The following TEP1 variants were observed in gnomAD, a reference collection of about 807,000 sequenced individuals.
TEP1 encodes telomerase associated protein 1.
TEP1 carries 241 observed loss-of-function variants against 306.3 expected under a neutral mutation model. The observed-to-expected ratio is 0.79, with a 90% CI of 0.71 to 0.88. TEP1 has a LOEUF of 0.88. Among genes scored for constraint, TEP1 ranks in the 40% least tolerant of loss-of-function variants. TEP1 has a pLI of 0.00. For synonymous variants in TEP1, 1,289 were observed against 1,305.5 expected, an observed-to-expected ratio of 0.99 and a Z score of 0.27; for missense variants, 3,051 against 3,276.1, an observed-to-expected ratio of 0.93 and a Z score of 1.68.
chr14:20,400,888 T>C lies in TEP1; in HGVS notation c.1549+96A>G, dbSNP rs967237918. On this transcript the variant is annotated intron_variant, in intron 9 of 54. Coordinates refer to ENST00000262715, the MANE Select transcript of TEP1 (RefSeq NM_007110.5). ...TACAACAACCAGGCAAAGTAATAAC[T>C]TCATCATTCCACAGAAATCTTCTAG... 6.8e-6 allele frequency: 10 copies of C among 1,478,428 alleles called. No homozygotes were observed. In the African/African-American group the frequency reaches 1.4e-4, roughly 21 times the overall value. The allele number at this position is 1,478,428 out of a possible 1,614,324, so 91.6% of individuals were successfully genotyped here. A position where few individuals can be genotyped will look rare whatever the true frequency, so the allele number is the denominator to read the frequency against.
chr14:20,406,019 A>C (rs1323713463), intron 3 of TEP1, among the ~76,000 whole-genome samples: 1 of 151,912 alleles, frequency 6.6e-6, no homozygotes, highest in Admixed American at 6.6e-5. Context: ...CTCAAAAAAA[A>C]AAAAAAAGAA....
rs750153172 is a variant in TEP1 at position 20,403,710 on chromosome 14, G to A, written c.1194+13C>T. 6 of 1,613,082 alleles carry A rather than the reference G, an allele frequency of 3.7e-6. No homozygotes were observed. The East Asian group carries it at 1.3e-4, about 36-fold the overall frequency. ...AAAAGGGGCGTGGGTCGAGGGCTGG[G>A]GCAGTGACTGACTGGAGAGCGGGGT... is the stretch of plus-strand genomic sequence containing the variant. On this transcript the variant is annotated intron_variant, in intron 6 of 54. Transcript: ENST00000262715.
Position 20,396,736 on chromosome 14 carries a change from G to A in TEP1, c.1550-6C>T. 1 of 1,597,792 alleles carries A rather than the reference G, an allele frequency of 6.3e-7. No homozygotes were observed. The highest frequency in any genetic ancestry group is 8.6e-7 in the Non-Finnish European group (1 of 1,169,148). On this transcript the variant is annotated splice_region_variant and splice_polypyrimidine_tract_variant and intron_variant, in intron 9 of 54. Transcript: ENST00000262715. The stretch of plus-strand genomic sequence containing the variant: ...GAAGGGAAGCTTCCCATTTTCTGTG[G>A]AATGTGGGGCATAGAGTGAGAAAAA...
At chr14:20,377,192 G>A (rs1039893079) in intron 41 of TEP1, 88 bp downstream of exon 41, 2 of 1,132,008 alleles carry the variant, frequency 1.8e-6, no homozygotes, top group Non-Finnish European at 2.5e-6. Flanking sequence ...TCTAGCCTGG[G>A]CAACAAGAGT....
intron 37 of TEP1, 52 bp downstream of exon 37, chr14:20,378,702 G>A (rs1240288737): frequency 9.4e-6 from 15 of 1,596,602 alleles, no homozygotes; most frequent in Non-Finnish European, 1.3e-5. Flanking sequence ...AAATTCACGA[G>A]GGTGAGTCAT....
chr14:20,411,457 G>C (rs1274760074), intron 1 of TEP1, among the ~76,000 whole-genome samples: 1 of 152,022 alleles, frequency 6.6e-6, no homozygotes, highest in East Asian at 1.9e-4. Context: ...CCTCCAAAAA[G>C]CCTGTGCTGA....
At chr14:20,406,165 T>C in intron 3 of TEP1, 68 bp downstream of exon 3, 9 of 1,557,418 alleles carry the variant, frequency 5.8e-6, no homozygotes, top group Non-Finnish European at 7.9e-6. Context: ...GGGACCTGGT[T>C]CAAGTACTCC....
intron 29 of TEP1, 28 bp from the exon 30 acceptor site, chr14:20,382,091 C>A: frequency 6.2e-7 from 1 of 1,613,356 alleles, no homozygotes; most frequent in Non-Finnish European, 8.5e-7. Flanking sequence ...CTGAGGCCCT[C>A]ATCTAACCAT....
rs1879371342 is a variant in TEP1 at position 20,408,293 on chromosome 14, G to C, written c.147C>G (p.Asn49Lys). The C allele has an allele frequency of 1.9e-6, 3 of 1,613,916 alleles. No individual in the cohort carries two copies. The highest frequency in any genetic ancestry group is 2.5e-6 in the Non-Finnish European group (3 of 1,179,976). ...GGTCAGGAAGCGTGGCTAGGCACTG[G>C]TTCTTCAAGGAGAGGATATCTGAGT... Reference protein sequence around the residue: ...STHSDILSLKNQCLATLPDLK... With the variant: ...STHSDILSLKKQCLATLPDLK... The change falls in exon 2 of 55, where the codon AAC becomes AAG. Residue 49 changes from asparagine (N) to lysine (K), a missense_variant. Around this residue, in one of 3 missense-constraint regions of TEP1, gnomAD observed 1,507 missense variants for 1,550.5 expected, o/e 0.97. Coordinates refer to ENST00000262715, the MANE Select transcript of TEP1 (RefSeq NM_007110.5).
At chr14:20,385,896 A>G (rs1392428034) in intron 20 of TEP1, among the ~76,000 whole-genome samples, 179 bp downstream of exon 20, 3 of 152,190 alleles carry the variant, frequency 2.0e-5, no homozygotes, top group African/African-American at 7.2e-5. Context: ...GGCACTTCTC[A>G]AAGGACTTTT....
intron 43 of TEP1, 71 bp from the exon 44 acceptor site, chr14:20,374,607 G>A: frequency 8.6e-7 from 1 of 1,165,506 alleles, no homozygotes; most frequent in South Asian, 1.4e-5. Context: ...CTGTAGTGTA[G>A]GGTGGAAGGC....
In TEP1 at chr14:20,377,792, C is replaced by T. The variant is rs778644662; in HGVS notation, c.5722-39G>A. On this transcript the variant is annotated intron_variant, in intron 39 of 54. Transcript: ENST00000262715. The stretch of plus-strand genomic sequence containing the variant: ...AAAGGGCTTAAGGATACCACCTCCA[C>T]CACGCGGTCCTCCTTCCTGTTTTGA... The T allele has an allele frequency of 1.6e-5, 25 of 1,607,016 alleles. No homozygotes were observed. The South Asian group carries it at 2.8e-4, about 18-fold the overall frequency.
rs201304686 is a variant in TEP1, at chr14:20,403,761, G to T, written c.1156C>A (p.Arg386=). ...QLAKYNPRKH[R]AKRHPRRPPR... ...GGCCGGCGGGGGTGTCTCTTGGCCC[G>T]GTGCTTCCGAGGGTTGTACTTAGCC... Residue 386 remains arginine (R), a synonymous_variant, in exon 6 of 55, where the codon CGG becomes AGG. Transcript: ENST00000262715. The T allele has an allele frequency of 6.2e-7, 1 of 1,614,100 alleles. No homozygotes were observed. The highest frequency in any genetic ancestry group is 1.3e-5 in the African/African-American group (1 of 75,032).
intron 18 of TEP1, 130 bp from the exon 19 acceptor site, chr14:20,386,753 G>A: frequency 9.5e-7 from 1 of 1,055,252 alleles, no homozygotes; most frequent in Non-Finnish European, 1.3e-6. Flanking sequence ...GTGCCCAGCA[G>A]GCCTTCAGAG....
At position 20,377,167 on chromosome 14, in the gene TEP1, A is replaced by C. The variant is rs937276243; in HGVS notation, c.6088+113T>G. On this transcript the variant is annotated intron_variant, in intron 41 of 54. Transcript: ENST00000262715. The stretch of plus-strand genomic sequence containing the variant: ...GAGGCAGAAGTTGCAGTGAGCCGAG[A>C]CCGTACCACTGCACTCTAGCCTGGG... 2.4e-5 allele frequency: 21 copies of C among 871,528 alleles called. No individual in the cohort carries two copies. In the African/African-American group the frequency reaches 3.4e-4, roughly 14 times the overall value. The allele number at this position is 871,528 out of a possible 1,614,324, so 54.0% of individuals were successfully genotyped here.
chr14:20,409,331 A>G (rs1234940485), intron 1 of TEP1, among the ~76,000 whole-genome samples: 1 of 152,112 alleles, frequency 6.6e-6, no homozygotes, highest in African/African-American at 2.4e-5. Context: ...TCTTAACATC[A>G]ATGCTCCTTG....
chr14:20,387,180 C>T (rs1231100573), intron 18 of TEP1, among the ~76,000 whole-genome samples: 5 of 150,570 alleles, frequency 3.3e-5, no homozygotes, highest in East Asian at 2.0e-4. Context: ...GTGATCTGCC[C>T]GCCTCGACCT....
Position 20,372,720 on chromosome 14 carries a change from C to A in TEP1, c.7076+13G>T, listed in dbSNP as rs1178824046. ...TGCTGTTTCTATCCCATTAACCCAT[C>A]AGCCTGTTTCACCTCAAATTTCCGG... On this transcript the variant is annotated intron_variant, in intron 49 of 54. Transcript: ENST00000262715. 1.9e-6 allele frequency: 3 copies of A among 1,613,972 alleles called. No individual in the cohort carries two copies. Among genetic ancestry groups the A allele is most frequent in the Non-Finnish European group, 2.5e-6 (3 of 1,180,012 alleles).
chr14:20,371,867 C>T (rs75634627), intron 49 of TEP1, among the ~76,000 whole-genome samples: 108 of 152,296 alleles, frequency 7.1e-4, no homozygotes, highest in African/African-American at 2.6e-3. Context: ...CCTTCCCTCT[C>T]TACCTCCAAC....
Sources: gnomAD v4.1 joint callset for allele counts (sites outside exome capture counted in the v4.1 genomes callset) on GRCh38, gnomAD v4.1.1 for gene constraint, gnomAD v4.1.1 regional missense constraint, MANE v1.5 for transcripts, NCBI Gene and HGNC (gene_info 2026-07-23, HGNC 2026-07-21) for gene names.